Variants in SORBS2 observed in about 807,000 individuals in gnomAD.
The protein encoded by SORBS2 is sorbin and SH3 domain containing 2.
A neutral mutation model predicts 97.7 loss-of-function variants in SORBS2; 46 were observed. The observed-to-expected ratio is 0.47, with a 90% CI of 0.37 to 0.60. The LOEUF (loss-of-function observed/expected upper bound fraction) is 0.60. Ranked by LOEUF, SORBS2 falls within the 20% of genes least tolerant of loss-of-function variation. SORBS2 has a pLI of 0.00. For synonymous variants in SORBS2, 476 were observed against 473.4 expected, an observed-to-expected ratio of 1.01 and a Z score of -0.07; for missense variants, 1,316 against 1,282.3, an observed-to-expected ratio of 1.03 and a Z score of -0.40.
chr4:185,908,596 G>T (rs546261002), intron 1 of SORBS2, among the ~76,000 whole-genome samples: 2 of 151,828 alleles, frequency 1.3e-5, no homozygotes, highest in Admixed American at 1.3e-4. Context: ...AGGGATCGCC[G>T]AGTAATGATT....
rs2096745145 is a variant in SORBS2, at chr4:185,623,114, A to G, written c.2015T>C (p.Val672Ala). ...TCTCAGGGATGAGTTCCTCTCGGGA[A>G]CATCTGGCAGCAGCTCACTGATGAG... Residue 672 changes from valine to alanine, a missense_variant, in exon 7 of 15, where the codon GTT becomes GCT. By Grantham distance (64) the Val-to-Ala change is moderately conservative (BLOSUM62 0). Transcript: ENST00000418609. The surrounding 1 kb of genome is among the most constrained non-coding windows in gnomAD (Gnocchi z 6.4). The G allele has an allele frequency of 1.2e-6, 2 of 1,614,148 alleles. No homozygotes were observed. The highest frequency in any genetic ancestry group is 1.7e-6 in the Non-Finnish European group (2 of 1,180,026).
intron 12 of SORBS2, among the ~76,000 whole-genome samples, chr4:185,602,352 C>T (rs556204925): frequency 1.3e-5 from 2 of 152,286 alleles, no homozygotes; most frequent in South Asian, 4.1e-4. Flanking sequence ...ATTTTAAAAG[C>T]AGATGCTCAG....
intron 12 of SORBS2, among the ~76,000 whole-genome samples, chr4:185,603,903 G>A (rs537946041): frequency 5.5e-4 from 84 of 152,236 alleles, no homozygotes; most frequent in South Asian, 2.3e-3. Flanking sequence ...ATGAATTTAC[G>A]TCACTTTTGT....
At chr4:185,870,256 T>C (rs1002677907) in intron 1 of SORBS2, among the ~76,000 whole-genome samples, 13 of 152,180 alleles carry the variant, frequency 8.5e-5, no homozygotes, top group African/African-American at 2.9e-4. Context: ...TTGGGTTCCC[T>C]GCGTAGGGGA....
rs189830561 is a variant in SORBS2, at chr4:185,937,209, A to C, written c.-338+18987T>G. 6.6e-5 allele frequency among the ~76,000 whole-genome samples: 10 copies of C among 151,956 alleles called. No homozygotes were observed. In the East Asian group the frequency reaches 1.5e-3, roughly 23 times the overall value. Reference sequence around the variant, plus strand: ...TGAGTGAGTGAGTGAGTGCTTCACGAGAACTGGAGGAGCATGTTTCCTACG... The same window carrying C: ...TGAGTGAGTGAGTGAGTGCTTCACGCGAACTGGAGGAGCATGTTTCCTACG... On this transcript the variant is annotated intron_variant, in intron 1 of 20. Transcript: ENST00000284776.
intron 1 of SORBS2, among the ~76,000 whole-genome samples, chr4:185,817,165 T>C (rs1050542957): frequency 1.3e-5 from 2 of 151,988 alleles, no homozygotes; most frequent in African/African-American, 2.4e-5. Context: ...TGTGTTAATA[T>C]GTGTCAGTAC....
At chr4:185,638,758 G>A in intron 4 of SORBS2, 119 bp downstream of exon 14, 1 of 911,760 alleles carries the variant, frequency 1.1e-6, no homozygotes, top group Non-Finnish European at 1.5e-6. Flanking sequence ...GAAGATTCTG[G>A]GGCCTGGATG....
chr4:185,739,494 G>A (rs764439818), intron 2 of SORBS2, among the ~76,000 whole-genome samples: 28 of 152,126 alleles, frequency 1.8e-4, no homozygotes, highest in Non-Finnish European at 3.7e-4. Flanking sequence ...TACTATAAGC[G>A]AAAAGCATTC....
intron 1 of SORBS2, among the ~76,000 whole-genome samples, chr4:185,872,480 A>C (rs1462015793): frequency 6.6e-6 from 1 of 152,232 alleles, no homozygotes; most frequent in Non-Finnish European, 1.5e-5. Context: ...CGTGGAATGC[A>C]CTAAATATCA....
intron 2 of SORBS2, among the ~76,000 whole-genome samples, chr4:185,716,480 T>G (rs2098466068): frequency 6.6e-6 from 1 of 152,254 alleles, no homozygotes; most frequent in African/African-American, 2.4e-5. Flanking sequence ...ACAGGGGATG[T>G]TGCCTTGGCA....
At chr4:185,845,664 G>A (rs992137845) in intron 1 of SORBS2, among the ~76,000 whole-genome samples, 5 of 151,946 alleles carry the variant, frequency 3.3e-5, no homozygotes, top group South Asian at 4.2e-4. Context: ...TAATAGGCTG[G>A]TATACAGAAT....
intron 1 of SORBS2, among the ~76,000 whole-genome samples, chr4:185,781,645 CT>C: frequency 3.6e-5 from 3 of 84,134 alleles, no homozygotes; most frequent in South Asian, 2.8e-4. Flanking sequence ...TGCCTCCGGC[CT>C]CTCCAGCGTC....
intron 2 of SORBS2, among the ~76,000 whole-genome samples, chr4:185,747,788 G>A (rs551935033): frequency 1.4e-4 from 22 of 152,194 alleles, no homozygotes; most frequent in East Asian, 9.7e-4. Context: ...TCAGGAGCTC[G>A]AGACCAGCCT....
intron 2 of SORBS2, chr4:185,740,125 C>T (rs78066549): frequency 0.029 from 4,383 of 152,752 alleles, 78 homozygotes; most frequent in Non-Finnish European, 0.038. Flanking sequence ...TTTGCTGCAA[C>T]TGGTTGAGTA....
chr4:185,648,966 T>C (rs1232896684), intron 3 of SORBS2, among the ~76,000 whole-genome samples: 1 of 152,208 alleles, frequency 6.6e-6, no homozygotes, highest in Non-Finnish European at 1.5e-5. Context: ...TTCATGTAGA[T>C]AGTTTGTATA....
intron 1 of SORBS2, among the ~76,000 whole-genome samples, chr4:185,879,168 C>CT (rs2099235407): frequency 1.2e-5 from 1 of 80,092 alleles, no homozygotes; most frequent in African/African-American, 5.9e-5. Flanking sequence ...CTATCCCTCC[C>CT]CCCCCCCCAC....
chr4:185,827,371 A>G (rs2099201385), intron 1 of SORBS2, among the ~76,000 whole-genome samples: 1 of 65,406 alleles, frequency 1.5e-5, no homozygotes, highest in Admixed American at 1.3e-4. Context: ...CATCATCATC[A>G]TCATCATCAT....
intron 2 of SORBS2, among the ~76,000 whole-genome samples, chr4:185,742,973 G>T (rs1004978272): frequency 6.6e-6 from 1 of 152,110 alleles, no homozygotes; most frequent in African/African-American, 2.4e-5. Flanking sequence ...GAGCCCCGCG[G>T]GCACAGCGAA....
intron 12 of SORBS2, among the ~76,000 whole-genome samples, chr4:185,608,423 G>C (rs2096471465): frequency 6.6e-6 from 1 of 152,152 alleles, no homozygotes; most frequent in African/African-American, 2.4e-5. Context: ...GAGGACTTCT[G>C]CTTCAGCTCC....
Sources: allele counts gnomAD v4.1 joint callset (sites outside exome capture counted in the v4.1 genomes callset), GRCh38; gene constraint gnomAD v4.1.1; non-coding constraint Gnocchi (gnomAD v3.1); transcripts MANE v1.5; gene names NCBI Gene and HGNC (gene_info 2026-07-23, HGNC 2026-07-21).